Variants in SPATA22 observed in about 807,000 individuals in gnomAD.
SPATA22 encodes the protein spermatogenesis associated 22, also known as spermatogenesis-associated protein 22.
In SPATA22, 29 loss-of-function variants were observed where a neutral mutation model predicts 47.8. That is an observed-to-expected ratio of 0.61 (90% confidence interval 0.45 to 0.83). The LOEUF (loss-of-function observed/expected upper bound fraction) is 0.83, where lower values mean the gene tolerates loss of function less well. Among genes scored for constraint, SPATA22 ranks in the 40% least tolerant of loss-of-function variants. The pLI is 0.00. For synonymous variants in SPATA22, 133 were observed against 140.9 expected (o/e 0.94, Z 0.40); for missense variants, 410 against 421.7 (o/e 0.97, Z 0.24).
chr17:3,476,026 T>TC, upstream of SPATA22: 1 of 782,176 alleles, frequency 1.3e-6, no homozygotes. Context: ...TAAAATATAC[T>TC]CCACTCAAGG....
At chr17:3,459,117 G>A (rs941760490) in intron 5 of SPATA22, among the ~76,000 whole-genome samples, 1 of 152,040 alleles carries the variant, frequency 6.6e-6, no homozygotes, top group Non-Finnish European at 1.5e-5. Flanking sequence ...TACCAGGGGT[G>A]AAGAGGTGGG....
intron 7 of SPATA22, among the ~76,000 whole-genome samples, chr17:3,445,170 G>A (rs2072699786): frequency 6.6e-6 from 1 of 152,076 alleles, no homozygotes; most frequent in Non-Finnish European, 1.5e-5. Flanking sequence ...AAGTCCAACA[G>A]GGGTTAAGAT....
chr17:3,460,792 C>CA (rs71379504), intron 5 of SPATA22, among the ~76,000 whole-genome samples: 27,965 of 59,680 alleles, frequency 0.47, 5,742 homozygotes, highest in Non-Finnish European at 0.57. Flanking sequence ...GATCCAGTCT[C>CA]AAAAAAAAAA....
At chr17:3,444,680 T>C (rs1477625744) in intron 7 of SPATA22, among the ~76,000 whole-genome samples, 7 of 152,128 alleles carry the variant, frequency 4.6e-5, no homozygotes, top group East Asian at 3.9e-4. Flanking sequence ...CACTTTTCAG[T>C]TGCGTGAATA....
chr17:3,501,136 T>G (rs2073985171), intron 1 of SPATA22: 1 of 151,582 alleles, frequency 6.6e-6, no homozygotes, highest in African/African-American at 2.4e-5. Context: ...GAAATACATT[T>G]CAGGCTGGGG....
chr17:3,453,709 C>T (rs1320830772), intron 5 of SPATA22, among the ~76,000 whole-genome samples: 1 of 152,058 alleles, frequency 6.6e-6, no homozygotes, highest in Non-Finnish European at 1.5e-5. Flanking sequence ...CAACATGATG[C>T]TCAATGGAAA....
chr17:3,513,735 C>G (rs998218257), exon 1 of SPATA22: 2 of 520,230 alleles, frequency 3.8e-6, no homozygotes, highest in African/African-American at 3.8e-5. Flanking sequence ...GTTTCCCACT[C>G]AGACAAATTG....
chr17:3,469,288 G>A lies in SPATA22; in HGVS notation c.38C>T (p.Thr13Ile), dbSNP rs749836092. 18 of 1,524,088 alleles carry A rather than the reference G, an allele frequency of 1.2e-5. No individual in the cohort carries two copies. Among genetic ancestry groups the A allele is most frequent in the Non-Finnish European group, 1.4e-5 (16 of 1,111,524 alleles). 94.4% of individuals were successfully genotyped at this position (1,524,088 alleles called of 1,614,324 possible). A position where few individuals can be genotyped will look rare whatever the true frequency, so the allele number is the denominator to read the frequency against. Residue 13 changes from threonine to isoleucine, a missense_variant, in exon 2 of 9, where the codon ACA becomes ATA. By Grantham distance (89) the Thr-to-Ile change is moderately conservative. Transcript: ENST00000572969. The part of the protein sequence containing the change: ...RSLNENSARS[T>I]AGCLPVPLFN... ...AATAAAAAGTTGTTCAATACCTGCT[G>A]TACTTCGAGCTGAATTTTCATTTAG...
intron 6 of SPATA22, 26 bp from the exon 7 acceptor site, chr17:3,446,627 A>G (rs1350764991): frequency 1.0e-5 from 15 of 1,468,822 alleles, no homozygotes; most frequent in Non-Finnish European, 1.4e-5. Flanking sequence ...GAAACATAGT[A>G]TTAGAAAAAT....
intron 8 of SPATA22, 192 bp from the exon 9 acceptor site, chr17:3,440,530 C>A (rs1437021777): frequency 2.5e-6 from 1 of 400,260 alleles, no homozygotes; most frequent in Non-Finnish European, 4.4e-6. Flanking sequence ...AGAGGAAAGA[C>A]CCTCACTTGG....
At chr17:3,464,664 C>T (rs1337057285) in intron 3 of SPATA22, among the ~76,000 whole-genome samples, 12 of 150,948 alleles carry the variant, frequency 7.9e-5, no homozygotes, top group South Asian at 6.3e-4. Flanking sequence ...CGCCTCTGCC[C>T]GGCCGCGACC....
chr17:3,473,687 G>A (rs1016599151), upstream of SPATA22, among the ~76,000 whole-genome samples: 1 of 152,064 alleles, frequency 6.6e-6, no homozygotes, highest in African/African-American at 2.4e-5. Flanking sequence ...TAGTAGAGAC[G>A]GGGTTTCACC....
At chr17:3,498,153 A>G (rs1478355728) in intron 1 of SPATA22, among the ~76,000 whole-genome samples, 1 of 152,150 alleles carries the variant, frequency 6.6e-6, no homozygotes, top group East Asian at 1.9e-4. Context: ...GCTCATTTTT[A>G]TATTTCCCAA....
At chr17:3,483,215 C>T (rs780989992) in intron 1 of SPATA22, among the ~76,000 whole-genome samples, 4 of 152,006 alleles carry the variant, frequency 2.6e-5, no homozygotes, top group Non-Finnish European at 5.9e-5. Flanking sequence ...TAAGAAAGAA[C>T]ATTTATTTCA....
intron 1 of SPATA22, among the ~76,000 whole-genome samples, chr17:3,495,372 G>A (rs2073892302): frequency 6.6e-6 from 1 of 152,148 alleles, no homozygotes; most frequent in Non-Finnish European, 1.5e-5. Context: ...TGGATAATCA[G>A]GATTGAAAAA....
At chr17:3,496,327 A>C (rs1484856262) in intron 1 of SPATA22, among the ~76,000 whole-genome samples, 1 of 152,256 alleles carries the variant, frequency 6.6e-6, no homozygotes, top group African/African-American at 2.4e-5. Context: ...AAATCATTTC[A>C]AACTGTAATA....
intron 1 of SPATA22, chr17:3,500,570 T>G (rs2073977911): frequency 6.6e-6 from 1 of 152,106 alleles, no homozygotes; most frequent in Admixed American, 6.5e-5. Flanking sequence ...TGGCGCAATC[T>G]CGGCTCACTG....
rs1319680992 is a variant in SPATA22 at position 3,485,506 on chromosome 17, T to C, written c.-73-16108A>G. On this transcript the variant is annotated intron_variant, in intron 1 of 8. Transcript: ENST00000541913. The surrounding 1 kb of genome is among the most constrained non-coding windows in gnomAD (Gnocchi z 4.4). ...CCAGCCGGGGCAACAAAAGTGAAAC[T>C]CCGTCTCAAAAAAACAAACAAACAA... is the stretch of plus-strand genomic sequence containing the variant. Among the ~76,000 whole-genome samples, 1 of 152,046 alleles carries C rather than the reference T, an allele frequency of 6.6e-6. No homozygotes were observed. Among genetic ancestry groups the C allele is most frequent in the Non-Finnish European group, 1.5e-5 (1 of 68,006 alleles).
intron 3 of SPATA22, among the ~76,000 whole-genome samples, chr17:3,466,086 CTT>C (rs2073307300): frequency 6.6e-6 from 1 of 151,500 alleles, no homozygotes; most frequent in Non-Finnish European, 1.5e-5. Context: ...GAACTTCACA[CTT>C]AAATTTCTTC....
Sources: gnomAD v4.1 joint callset for allele counts (sites outside exome capture counted in the v4.1 genomes callset) on GRCh38, gnomAD v4.1.1 for gene constraint, Gnocchi (gnomAD v3.1) non-coding constraint, MANE v1.5 for transcripts, NCBI Gene and HGNC (gene_info 2026-07-23, HGNC 2026-07-21) for gene names.